CDH13: variants seen among roughly 807,000 people sequenced by gnomAD.
CDH13 encodes cadherin-13.
CDH13 carries 24 observed loss-of-function variants against 63.8 expected under a neutral mutation model. That is an observed-to-expected ratio of 0.38 (90% CI 0.27 to 0.53). CDH13 has a LOEUF of 0.53. Ranked by LOEUF, CDH13 falls within the 20% of genes least tolerant of loss-of-function variation. The probability of loss-of-function intolerance (pLI) is 0.85; values close to 1 mark genes in which losing one functional copy is unlikely to be tolerated. For missense variants in CDH13, 1,049 were observed against 903.1 expected, an observed-to-expected ratio of 1.16 and a Z score of -2.07; for synonymous variants, 503 against 355.3, an observed-to-expected ratio of 1.42 and a Z score of -4.67.
At chr16:83,381,616 A>G (rs772201695) in intron 6 of CDH13, among the ~76,000 whole-genome samples, 2 of 151,998 alleles carry the variant, frequency 1.3e-5, no homozygotes, top group East Asian at 1.9e-4. Flanking sequence ...TATCACCTCT[A>G]TAATTCCAAC....
chr16:83,168,348 CA>C (rs1319472297), intron 4 of CDH13, among the ~76,000 whole-genome samples: 3 of 152,014 alleles, frequency 2.0e-5, no homozygotes, highest in Non-Finnish European at 4.4e-5. Context: ...CACACTCAAA[CA>C]CGCATACATG....
At chr16:82,849,977 C>G (rs929738921) in intron 1 of CDH13, among the ~76,000 whole-genome samples, 7 of 152,156 alleles carry the variant, frequency 4.6e-5, no homozygotes, top group African/African-American at 1.7e-4. Flanking sequence ...CCTGGACATC[C>G]AAAAGTTTTA....
At chr16:83,649,680 G>T (rs1033015783) in intron 8 of CDH13, among the ~76,000 whole-genome samples, 1 of 152,178 alleles carries the variant, frequency 6.6e-6, no homozygotes, top group Non-Finnish European at 1.5e-5. Context: ...CAAGAAAGAG[G>T]CAAAGGGAGG....
intron 6 of CDH13, among the ~76,000 whole-genome samples, chr16:83,377,498 G>T (rs1036087704): frequency 6.6e-6 from 1 of 152,100 alleles, no homozygotes; most frequent in Non-Finnish European, 1.5e-5. Context: ...GAGCTTTATT[G>T]TCAGTCACAG....
At chr16:83,739,837 A>G (rs1911896158) in intron 10 of CDH13, 1 of 152,304 alleles carries the variant, frequency 6.6e-6, no homozygotes, top group South Asian at 2.1e-4. Flanking sequence ...CTACCCACTC[A>G]GTGTGTGCGG....
intron 1 of CDH13, chr16:82,824,820 CAA>C (rs370305885): frequency 6.6e-6 from 1 of 152,060 alleles, no homozygotes; most frequent in Non-Finnish European, 1.5e-5. Context: ...AAATAGACTG[CAA>C]AAAAATTTGT....
chr16:82,659,503 AT>A (rs1911684597), intron 1 of CDH13, among the ~76,000 whole-genome samples: 1 of 152,230 alleles, frequency 6.6e-6, no homozygotes, highest in South Asian at 2.1e-4. Flanking sequence ...GGAACAAAAA[AT>A]AACGTAAAAC....
chr16:83,069,692 G>A (rs1034402961), intron 3 of CDH13, among the ~76,000 whole-genome samples: 3 of 152,006 alleles, frequency 2.0e-5, no homozygotes, highest in Non-Finnish European at 2.9e-5. Flanking sequence ...CCTGGGCTGG[G>A]GCCATCCTCA....
intron 6 of CDH13, among the ~76,000 whole-genome samples, chr16:83,371,481 C>G (rs1334277634): frequency 6.6e-6 from 1 of 152,130 alleles, no homozygotes; most frequent in Non-Finnish European, 1.5e-5. Context: ...TTTATTATGT[C>G]AGCCATGTAT....
chr16:83,647,004 C>T (rs1911884832), intron 8 of CDH13, among the ~76,000 whole-genome samples: 1 of 152,132 alleles, frequency 6.6e-6, no homozygotes, highest in South Asian at 2.1e-4. Context: ...TCTCTCTCCC[C>T]TGGGTCTTAA....
At chr16:83,660,509 G>A (rs1360623111) in intron 8 of CDH13, among the ~76,000 whole-genome samples, 2 of 152,184 alleles carry the variant, frequency 1.3e-5, no homozygotes, top group Non-Finnish European at 2.9e-5. Flanking sequence ...TACAGATGAA[G>A]TTTCACTGGC....
intron 1 of CDH13, among the ~76,000 whole-genome samples, chr16:82,799,586 T>C (rs2036752222): frequency 6.6e-6 from 1 of 152,232 alleles, no homozygotes; most frequent in Admixed American, 6.5e-5. Context: ...AAACTCTTAC[T>C]TAGTATTAGT....
intron 5 of CDH13, among the ~76,000 whole-genome samples, chr16:83,264,545 T>A (rs986133523): frequency 5.2e-5 from 3 of 57,292 alleles, no homozygotes; most frequent in African/African-American, 1.6e-4. Flanking sequence ...TGTGTGTATA[T>A]ATATGTATGT....
At chr16:82,995,672 C>A (rs187992092) in intron 2 of CDH13, among the ~76,000 whole-genome samples, 28 of 152,198 alleles carry the variant, frequency 1.8e-4, no homozygotes, top group East Asian at 9.7e-4. Flanking sequence ...AAAAACACAC[C>A]AAACAACTAT....
intron 1 of CDH13, among the ~76,000 whole-genome samples, chr16:82,672,465 A>C (rs1265860781): frequency 6.6e-6 from 1 of 152,054 alleles, no homozygotes; most frequent in Non-Finnish European, 1.5e-5. Context: ...GTCCCTCCCT[A>C]ATCACTGTAT....
At chr16:83,440,903 C>A (rs890459919) in intron 6 of CDH13, among the ~76,000 whole-genome samples, 19 of 152,180 alleles carry the variant, frequency 1.2e-4, no homozygotes, top group Non-Finnish European at 2.5e-4. Flanking sequence ...AAGATGAACC[C>A]ATGACTGTGA....
intron 2 of CDH13, among the ~76,000 whole-genome samples, chr16:83,031,402 A>T (rs12596336): frequency 3.5e-5 from 5 of 140,872 alleles, no homozygotes; most frequent in Non-Finnish European, 7.8e-5. Context: ...ATACATATAC[A>T]TGTATATGTA....
chr16:82,691,535 C>T (rs1161783007), intron 1 of CDH13, among the ~76,000 whole-genome samples: 1 of 152,172 alleles, frequency 6.6e-6, no homozygotes, highest in Non-Finnish European at 1.5e-5. Flanking sequence ...ACATTTTCTC[C>T]TTCTCTGTCT....
intron 5 of CDH13, among the ~76,000 whole-genome samples, chr16:83,298,270 C>T (rs190995743): frequency 4.0e-5 from 6 of 150,450 alleles, no homozygotes; most frequent in South Asian, 4.2e-4. Flanking sequence ...TGAGATGAGA[C>T]GAGATGAGAA....
Sources: allele counts gnomAD v4.1 joint callset (sites outside exome capture counted in the v4.1 genomes callset), GRCh38; gene constraint gnomAD v4.1.1; transcripts MANE v1.5; gene names NCBI Gene and HGNC (gene_info 2026-07-23, HGNC 2026-07-21).